The following LARP1B variants were observed in gnomAD, a reference collection of about 807,000 sequenced individuals.
LARP1B encodes the protein La ribonucleoprotein 1B.
In LARP1B, 76 loss-of-function variants were observed where a neutral mutation model predicts 114.2. The observed-to-expected ratio is 0.67, with a 90% CI of 0.55 to 0.81. LARP1B has a LOEUF of 0.81. Ranked by LOEUF, LARP1B falls within the 30% of genes least tolerant of loss-of-function variation. LARP1B has a pLI of 0.00. For missense variants in LARP1B, 1,014 were observed against 1,075.8 expected, an observed-to-expected ratio of 0.94 and a Z score of 0.80; for synonymous variants, 345 against 348.0, an observed-to-expected ratio of 0.99 and a Z score of 0.10.
intron 8 of LARP1B, 60 bp downstream of exon 8, chr4:128,098,390 A>G: frequency 4.2e-6 from 6 of 1,439,686 alleles, no homozygotes; most frequent in Non-Finnish European, 5.8e-6. Context: ...TGTACCTAAA[A>G]CTTCTCTGAA....
intron 9 of LARP1B, among the ~76,000 whole-genome samples, chr4:128,109,941 TC>T (rs199650626): frequency 0.024 from 3,619 of 151,246 alleles, 125 homozygotes; most frequent in African/African-American, 0.085. Flanking sequence ...CCTCACTCTG[TC>T]GCTCAGGCTG....
chr4:128,113,986 G>C (rs560630139), intron 9 of LARP1B, among the ~76,000 whole-genome samples: 8 of 151,976 alleles, frequency 5.3e-5, no homozygotes, highest in African/African-American at 1.9e-4. Context: ...GGGTTTCTCC[G>C]TGTTGGTCAG....
At chr4:128,203,185 C>T (rs955582430) in intron 17 of LARP1B, among the ~76,000 whole-genome samples, 1 of 151,948 alleles carries the variant, frequency 6.6e-6, no homozygotes, top group African/African-American at 2.4e-5. Context: ...GAACAAGACT[C>T]TGTCTCAACA....
chr4:128,176,266 C>CAT (rs200255168), intron 12 of LARP1B, among the ~76,000 whole-genome samples: 2,972 of 124,954 alleles, frequency 0.024, 64 homozygotes, highest in East Asian at 0.12. Context: ...TATATATACA[C>CAT]ATATGTGTGT....
At chr4:128,155,284 A>G in intron 11 of LARP1B, 1 of 417,212 alleles carries the variant, frequency 2.4e-6, no homozygotes, top group Non-Finnish European at 4.3e-6. Flanking sequence ...AATCTGTGTG[A>G]AGGCACAGTA....
chr4:128,089,762 GT>G (rs1207404152), intron 5 of LARP1B, among the ~76,000 whole-genome samples: 1 of 151,074 alleles, frequency 6.6e-6, no homozygotes, highest in Non-Finnish European at 1.5e-5. Flanking sequence ...GCTGAACACT[GT>G]TTTCGTTTTT....
chr4:128,091,049 G>T lies in LARP1B; in HGVS notation c.407G>T (p.Ser136Ile). The change falls in exon 6 of 20, where the codon AGT becomes ATT. Residue 136 changes from serine (S) to isoleucine (I), a missense_variant. Transcript: ENST00000326639. Reference protein sequence around the residue: ...EKRDDQDDVSSVRSEGGNIRG... With the variant: ...EKRDDQDDVSIVRSEGGNIRG... The stretch of plus-strand genomic sequence containing the variant: ...AGGGATGATCAAGATGACGTTTCCA[G>T]TGTGAGAAGTGAGGGTGGTAATATC... 1 of 1,613,762 alleles carries T rather than the reference G, an allele frequency of 6.2e-7. No individual in the cohort carries two copies. Among genetic ancestry groups the T allele is most frequent in the Non-Finnish European group, 8.5e-7 (1 of 1,179,774 alleles).
chr4:128,156,274 G>GCAC (rs1735608793), intron 11 of LARP1B: 1 of 995,588 alleles, frequency 1.0e-6, no homozygotes, highest in African/African-American at 1.6e-5. Context: ...CACCAGTCCA[G>GCAC]CTGGCCTGGA....
chr4:128,072,911 A>G (rs538944219), intron 1 of LARP1B, among the ~76,000 whole-genome samples: 2 of 152,146 alleles, frequency 1.3e-5, no homozygotes, highest in African/African-American at 4.8e-5. Context: ...ATGTCAATAC[A>G]TATACAGCTT....
At chr4:128,071,117 G>A (rs776531759) in intron 1 of LARP1B, among the ~76,000 whole-genome samples, 6 of 151,854 alleles carry the variant, frequency 4.0e-5, no homozygotes, top group Non-Finnish European at 4.4e-5. Flanking sequence ...CGTGATCTTG[G>A]CTCACTGCAA....
At chr4:128,167,578 C>T (rs573531129) in intron 12 of LARP1B, among the ~76,000 whole-genome samples, 37 of 151,852 alleles carry the variant, frequency 2.4e-4, no homozygotes, top group Non-Finnish European at 4.1e-4. Flanking sequence ...CATTTGATGC[C>T]ATGTTTGTTT....
At chr4:128,073,673 C>T (rs1387401239) in intron 1 of LARP1B, among the ~76,000 whole-genome samples, 4 of 126,176 alleles carry the variant, frequency 3.2e-5, no homozygotes, top group African/African-American at 1.2e-4. Flanking sequence ...TCACTGCAAC[C>T]TCCACCTCCC....
intron 6 of LARP1B, among the ~76,000 whole-genome samples, chr4:128,217,007 A>G (rs1296479977): frequency 3.3e-5 from 5 of 151,364 alleles, no homozygotes; most frequent in Non-Finnish European, 7.4e-5. Context: ...AGAGAATACT[A>G]CAAACAACTC....
chr4:128,206,353 A>G, intron 17 of LARP1B, 75 bp from the exon 18 acceptor site: 1 of 785,380 alleles, frequency 1.3e-6, no homozygotes, highest in Non-Finnish European at 2.0e-6. Context: ...TAGTTGTGCC[A>G]TGTTTGCTTA....
intron 11 of LARP1B, among the ~76,000 whole-genome samples, chr4:128,151,718 T>G (rs1732874686): frequency 6.6e-6 from 1 of 152,048 alleles, no homozygotes; most frequent in Non-Finnish European, 1.5e-5. Flanking sequence ...TTCTCCTGCC[T>G]CAGCCTCCTG....
intron 1 of LARP1B, among the ~76,000 whole-genome samples, chr4:128,063,947 A>G (rs1761428889): frequency 6.6e-6 from 1 of 152,046 alleles, no homozygotes; most frequent in African/African-American, 2.4e-5. Context: ...CTGGCTTGTG[A>G]GGATCAAATG....
chr4:128,103,712 G>A (rs1410641540), intron 8 of LARP1B, among the ~76,000 whole-genome samples: 1 of 151,860 alleles, frequency 6.6e-6, no homozygotes, highest in Non-Finnish European at 1.5e-5. Flanking sequence ...ACAAGCGCCT[G>A]CCACCACGCC....
At chr4:128,189,114 G>A (rs1165862501) in intron 15 of LARP1B, among the ~76,000 whole-genome samples, 1 of 151,912 alleles carries the variant, frequency 6.6e-6, no homozygotes, top group African/African-American at 2.4e-5. Context: ...GCTATTATTT[G>A]TATTATAGTC....
chr4:128,155,619 A>C (rs1581097014), intron 11 of LARP1B: 2 of 1,233,540 alleles, frequency 1.6e-6, no homozygotes, highest in Non-Finnish European at 2.4e-6. Context: ...GCCCCCTACA[A>C]CCCCAGCCAG....
Sources: allele counts gnomAD v4.1 joint callset (sites outside exome capture counted in the v4.1 genomes callset), GRCh38; gene constraint gnomAD v4.1.1; transcripts MANE v1.5; gene names NCBI Gene and HGNC (gene_info 2026-07-23, HGNC 2026-07-21).